Variants in PHTF2 observed in about 807,000 individuals in gnomAD.
PHTF2 encodes the protein protein PHTF2.
In PHTF2, 60 loss-of-function variants were observed where a neutral mutation model predicts 101.2. The observed-to-expected ratio is 0.59, with a 90% CI of 0.48 to 0.73. The LOEUF is 0.73. Ranked by LOEUF, PHTF2 falls within the 30% of genes least tolerant of loss-of-function variation. The pLI is 0.00. For missense variants in PHTF2, 747 were observed against 908.7 expected (o/e 0.82, Z 2.29); for synonymous variants, 311 against 307.3 (o/e 1.01, Z -0.13).
At chr7:77,898,114 A>T (rs1801046349) in intron 5 of PHTF2, among the ~76,000 whole-genome samples, 1 of 152,040 alleles carries the variant, frequency 6.6e-6, no homozygotes, top group South Asian at 2.1e-4. Flanking sequence ...ATTTTAATAG[A>T]ATATAAAATT....
At chr7:77,946,260 A>G (rs1405211869) in intron 16 of PHTF2, among the ~76,000 whole-genome samples, 2 of 152,254 alleles carry the variant, frequency 1.3e-5, no homozygotes, top group East Asian at 1.9e-4. Context: ...CATTCATGAT[A>G]CAAGGACTAG....
intron 1 of PHTF2, among the ~76,000 whole-genome samples, chr7:77,821,289 A>G (rs1286617133): frequency 1.3e-5 from 2 of 152,154 alleles, no homozygotes. Flanking sequence ...TCTTTTGACA[A>G]TTTGAATATA....
chr7:77,830,712 A>G (rs983216259), intron 1 of PHTF2, among the ~76,000 whole-genome samples: 1 of 152,230 alleles, frequency 6.6e-6, no homozygotes, highest in African/African-American at 2.4e-5. Context: ...CATAATAAAT[A>G]AATTGCTTGC....
At chr7:77,855,006 TC>T (rs1341756241) in intron 3 of PHTF2, among the ~76,000 whole-genome samples, 14 of 152,054 alleles carry the variant, frequency 9.2e-5, no homozygotes, top group Admixed American at 3.9e-4. Flanking sequence ...CAAGACGAAG[TC>T]CCCCTTTCTC....
chr7:77,889,299 A>T (rs935625026), intron 3 of PHTF2, among the ~76,000 whole-genome samples: 34 of 152,198 alleles, frequency 2.2e-4, no homozygotes, highest in African/African-American at 8.2e-4. Context: ...GAATCCCTTC[A>T]CTCTCACTTC....
At chr7:77,880,322 A>T (rs968653451) in intron 3 of PHTF2, among the ~76,000 whole-genome samples, 1 of 152,204 alleles carries the variant, frequency 6.6e-6, no homozygotes, top group African/African-American at 2.4e-5. Context: ...ATTTCTCAGT[A>T]ACTCAGTAAA....
intron 3 of PHTF2, among the ~76,000 whole-genome samples, chr7:77,892,891 G>C (rs1800557781): frequency 6.6e-6 from 1 of 152,088 alleles, no homozygotes; most frequent in Non-Finnish European, 1.5e-5. Flanking sequence ...ACTTTAAGTG[G>C]TAATTGCAGT....
chr7:77,909,020 T>C, intron 8 of PHTF2, 62 bp downstream of exon 7: 1 of 1,123,400 alleles, frequency 8.9e-7, no homozygotes. Context: ...ACGATTGTTC[T>C]TGACTCCTCT....
At chr7:77,870,891 A>G (rs1164756004) in intron 3 of PHTF2, among the ~76,000 whole-genome samples, 3 of 152,240 alleles carry the variant, frequency 2.0e-5, no homozygotes, top group South Asian at 2.1e-4. Flanking sequence ...TGTGAAGTCA[A>G]TAAATCTTTA....
chr7:77,937,172 TAAGG>T (rs1805219446), intron 12 of PHTF2, among the ~76,000 whole-genome samples: 1 of 152,190 alleles, frequency 6.6e-6, no homozygotes, highest in South Asian at 2.1e-4. Context: ...GTTAAATATG[TAAGG>T]AAGAGTCTTT....
chr7:77,938,945 T>C (rs1805399281), intron 13 of PHTF2, among the ~76,000 whole-genome samples: 1 of 152,164 alleles, frequency 6.6e-6, no homozygotes, highest in South Asian at 2.1e-4. Flanking sequence ...TTGATAATAC[T>C]CCCTATAACA....
Position 77,843,697 on chromosome 7 carries a change from A to G in PHTF2, c.45+3397A>G, listed in dbSNP as rs1312231291. On this transcript the variant is annotated intron_variant, in intron 2 of 19. Transcript: ENST00000416283. ...TTTGAGTCTCAATTTCCACTTTTCTACATTGACTAGCTAATGGTTCTCAGC... is the reference window on the plus strand; with the variant it reads ...TTTGAGTCTCAATTTCCACTTTTCTGCATTGACTAGCTAATGGTTCTCAGC... Among the ~76,000 whole-genome samples the G allele has an allele frequency of 2.6e-5, 4 of 152,154 alleles. No individual in the cohort carries two copies. In the East Asian group the frequency reaches 7.7e-4, roughly 29 times the overall value.
chr7:77,937,690 A>AT lies in PHTF2; in HGVS notation c.1339-20_1339-19insT, dbSNP rs1562967054. 10 of 1,013,908 alleles carry AT rather than the reference A, an allele frequency of 9.9e-6. No homozygotes were observed. Among genetic ancestry groups the AT allele is most frequent in the Non-Finnish European group, 1.2e-5 (9 of 733,256 alleles). 62.8% of individuals were successfully genotyped at this position (1,013,908 alleles called of 1,614,324 possible). A position where few individuals can be genotyped will look rare whatever the true frequency, so the allele number is the denominator to read the frequency against. On this transcript the variant is annotated intron_variant, in intron 12 of 19. Coordinates refer to ENST00000416283, the Ensembl canonical transcript of PHTF2. ...ATTAAATGTGATCTATATATTTACTAATTTTTTTTTTTTTTATAGAGTCAT... is the reference window on the plus strand; with the variant it reads ...ATTAAATGTGATCTATATATTTACTATATTTTTTTTTTTTTTATAGAGTCAT...
At chr7:77,882,502 G>A (rs1799502695) in intron 3 of PHTF2, among the ~76,000 whole-genome samples, 1 of 152,094 alleles carries the variant, frequency 6.6e-6, no homozygotes, top group African/African-American at 2.4e-5. Flanking sequence ...TTTGCAAGTG[G>A]TTGCAGAGCA....
intron 1 of PHTF2, among the ~76,000 whole-genome samples, chr7:77,823,229 C>CT (rs983304219): frequency 2.5e-4 from 31 of 123,192 alleles, no homozygotes; most frequent in Middle Eastern, 6.7e-3. Context: ...AAATTACTCT[C>CT]TTTTTTTTTG....
chr7:77,872,260 C>G (rs973552690), intron 3 of PHTF2, among the ~76,000 whole-genome samples: 1 of 152,174 alleles, frequency 6.6e-6, no homozygotes, highest in African/African-American at 2.4e-5. Flanking sequence ...TGGTGTCATC[C>G]TCTCCACTTG....
chr7:77,822,530 G>A (rs1362972088), intron 1 of PHTF2, among the ~76,000 whole-genome samples: 1 of 152,182 alleles, frequency 6.6e-6, no homozygotes, highest in African/African-American at 2.4e-5. Flanking sequence ...TCTCCAGACT[G>A]GGCTTGGGGC....
At chr7:77,933,642 A>G (rs1398230813) in intron 12 of PHTF2, among the ~76,000 whole-genome samples, 5 of 151,580 alleles carry the variant, frequency 3.3e-5, no homozygotes, top group African/African-American at 1.2e-4. Context: ...TGGAGTTAAG[A>G]TTGAGGGAAA....
At chr7:77,939,286 T>C (rs1805425595) in intron 13 of PHTF2, among the ~76,000 whole-genome samples, 1 of 152,112 alleles carries the variant, frequency 6.6e-6, no homozygotes, top group African/African-American at 2.4e-5. Flanking sequence ...AAGGAGACAC[T>C]TATTTATATA....
Sources: gnomAD v4.1 joint callset for allele counts (sites outside exome capture counted in the v4.1 genomes callset) on GRCh38, gnomAD v4.1.1 for gene constraint, MANE v1.5 for transcripts, NCBI Gene and HGNC (gene_info 2026-07-23, HGNC 2026-07-21) for gene names.